The following LRMDA variants were observed in gnomAD, a reference collection of about 807,000 sequenced individuals.
The protein encoded by LRMDA is leucine rich melanocyte differentiation associated, also known as leucine-rich melanocyte differentiation-associated protein.
Under a neutral mutation model 29.8 loss-of-function variants are expected in LRMDA, and 18 were observed. The ratio of observed to expected loss-of-function variants is 0.60; its 90% confidence interval spans 0.42 to 0.90. LRMDA has a LOEUF of 0.90. Ranked by LOEUF, LRMDA falls within the 40% of genes least tolerant of loss-of-function variation. The pLI is 0.00. For missense variants in LRMDA, 273 were observed against 273.9 expected, an observed-to-expected ratio of 1.00 and a Z score of 0.02; for synonymous variants, 125 against 109.4, an observed-to-expected ratio of 1.14 and a Z score of -0.89.
intron 5 of LRMDA, among the ~76,000 whole-genome samples, chr10:76,059,814 A>G (rs920584322): frequency 2.6e-5 from 4 of 152,220 alleles, no homozygotes; most frequent in African/African-American, 9.6e-5. Flanking sequence ...CCCTGAATCC[A>G]TGAGGTGCAA....
In LRMDA at chr10:76,463,715, C is replaced by T. The variant is rs1009664859; in HGVS notation, c.602-93494C>T. Among the ~76,000 whole-genome samples, 7 of 152,214 alleles carry T rather than the reference C, an allele frequency of 4.6e-5. No homozygotes were observed. The South Asian group carries it at 8.3e-4, about 18-fold the overall frequency. ...GGACAGCTGCAGATTCACTCAGTCT[C>T]TTCTGCTTCACTGCTTTGTTCTCTT... On this transcript the variant is annotated intron_variant, in intron 6 of 6. Coordinates refer to ENST00000611255, the MANE Select transcript of LRMDA (RefSeq NM_001305581.2).
At chr10:76,103,286 G>A (rs1406972231) in intron 5 of LRMDA, among the ~76,000 whole-genome samples, 1 of 152,210 alleles carries the variant, frequency 6.6e-6, no homozygotes, top group Non-Finnish European at 1.5e-5. Context: ...AAATGCAGTT[G>A]AGGATAAAGA....
intron 2 of LRMDA, among the ~76,000 whole-genome samples, chr10:75,787,383 G>A (rs1280565382): frequency 4.6e-5 from 7 of 152,122 alleles, no homozygotes; most frequent in African/African-American, 1.4e-4. Flanking sequence ...TCAGTGAAAC[G>A]GGATGTTTCA....
intron 5 of LRMDA, among the ~76,000 whole-genome samples, chr10:76,104,330 C>A (rs1232258806): frequency 6.6e-6 from 1 of 152,128 alleles, no homozygotes; most frequent in African/African-American, 2.4e-5. Flanking sequence ...GCTCTGTGTC[C>A]TGGGGTGATA....
At chr10:76,202,450 T>C (rs991137426) in intron 5 of LRMDA, among the ~76,000 whole-genome samples, 3 of 152,172 alleles carry the variant, frequency 2.0e-5, no homozygotes, top group Non-Finnish European at 2.9e-5. Context: ...CTTAATGGTG[T>C]GCATGTAACT....
At chr10:75,526,700 T>C (rs1034963695) in intron 2 of LRMDA, among the ~76,000 whole-genome samples, 2 of 151,494 alleles carry the variant, frequency 1.3e-5, no homozygotes, top group African/African-American at 4.8e-5. Context: ...AAAAAAAAAT[T>C]TAAAAATTAG....
chr10:75,630,000 C>T (rs553453694), intron 2 of LRMDA, among the ~76,000 whole-genome samples: 6 of 152,338 alleles, frequency 3.9e-5, no homozygotes, highest in African/African-American at 1.2e-4. Context: ...TTTATTAACA[C>T]CTACATTTTA....
chr10:75,447,084 A>T (rs1844404585), intron 2 of LRMDA, among the ~76,000 whole-genome samples: 1 of 152,212 alleles, frequency 6.6e-6, no homozygotes. Context: ...TAGAAGATAA[A>T]TTGTTAGTGA....
At chr10:75,949,688 G>A (rs1396594070) in intron 2 of LRMDA, among the ~76,000 whole-genome samples, 2 of 152,166 alleles carry the variant, frequency 1.3e-5, no homozygotes, top group Non-Finnish European at 2.9e-5. Context: ...TCGATTTGGA[G>A]CTTGTGATGA....
At chr10:75,598,908 C>T (rs72809439) in intron 2 of LRMDA, among the ~76,000 whole-genome samples, 1,924 of 152,292 alleles carry the variant, frequency 0.013, 20 homozygotes, top group Non-Finnish European at 0.02. Flanking sequence ...TAAGCCTTTG[C>T]ACCTTTGGAC....
At chr10:75,913,701 C>A (rs1465180701) in intron 2 of LRMDA, among the ~76,000 whole-genome samples, 2 of 152,282 alleles carry the variant, frequency 1.3e-5, no homozygotes, top group African/African-American at 4.8e-5. Flanking sequence ...GCTCACCTGC[C>A]AGGCCCTGAG....
chr10:75,986,472 C>T (rs1847264181), intron 2 of LRMDA, among the ~76,000 whole-genome samples: 2 of 152,222 alleles, frequency 1.3e-5, no homozygotes. Flanking sequence ...TGCTCGTTGT[C>T]ATATGAATGG....
chr10:76,093,984 T>C (rs542489990), intron 5 of LRMDA, among the ~76,000 whole-genome samples: 10 of 152,252 alleles, frequency 6.6e-5, no homozygotes, highest in African/African-American at 1.9e-4. Context: ...TGCTCAGAGG[T>C]ATTTGAAGCC....
intron 5 of LRMDA, among the ~76,000 whole-genome samples, chr10:76,061,209 A>G (rs1848696796): frequency 6.6e-6 from 1 of 152,220 alleles, no homozygotes; most frequent in African/African-American, 2.4e-5. Context: ...GAACGAGATC[A>G]TATCTTTTGT....
chr10:76,189,052 C>G (rs529222746), intron 5 of LRMDA, among the ~76,000 whole-genome samples: 24 of 152,018 alleles, frequency 1.6e-4, no homozygotes, highest in African/African-American at 5.8e-4. Context: ...AATAGGTATA[C>G]ATTGAAAGAA....
At chr10:75,526,335 GATT>G (rs1238968545) in intron 2 of LRMDA, among the ~76,000 whole-genome samples, 1 of 152,066 alleles carries the variant, frequency 6.6e-6, no homozygotes, top group Non-Finnish European at 1.5e-5. Flanking sequence ...AAAGTGCTGG[GATT>G]ACAGGCACGA....
At chr10:76,092,974 T>C (rs1849254380) in intron 5 of LRMDA, among the ~76,000 whole-genome samples, 1 of 152,224 alleles carries the variant, frequency 6.6e-6, no homozygotes, top group Admixed American at 6.5e-5. Context: ...TTTTGGTCCG[T>C]GGGCTCTCCC....
At chr10:76,064,487 G>A (rs185799022) in intron 5 of LRMDA, among the ~76,000 whole-genome samples, 6 of 152,170 alleles carry the variant, frequency 3.9e-5, no homozygotes, top group East Asian at 3.9e-4. Flanking sequence ...TTCCGTCTTC[G>A]CCGCTATTGT....
chr10:76,040,784 G>T (rs1352939980), intron 3 of LRMDA, among the ~76,000 whole-genome samples: 2 of 152,184 alleles, frequency 1.3e-5, no homozygotes, highest in East Asian at 1.9e-4. Context: ...GGGGTGTGTG[G>T]GGGGCACATA....
Sources: gnomAD v4.1 joint callset for allele counts (sites outside exome capture counted in the v4.1 genomes callset) on GRCh38, gnomAD v4.1.1 for gene constraint, MANE v1.5 for transcripts, NCBI Gene and HGNC (gene_info 2026-07-23, HGNC 2026-07-21) for gene names.